Variants in SETBP1 observed in about 807,000 individuals in gnomAD.
SETBP1 encodes the protein SET binding protein 1, also known as SET-binding protein.
In SETBP1, 9 loss-of-function variants were observed where a neutral mutation model predicts 101.0. That is an observed-to-expected ratio of 0.09 (90% confidence interval 0.05 to 0.16). SETBP1 has a LOEUF of 0.16. Among genes scored for constraint, SETBP1 ranks in the 10% least tolerant of loss-of-function variants. SETBP1 has a pLI of 1.00. For missense variants in SETBP1, 1,858 were observed against 2,033.8 expected, an observed-to-expected ratio of 0.91 and a Z score of 1.66; for synonymous variants, 818 against 788.5, an observed-to-expected ratio of 1.04 and a Z score of -0.63.
intron 2 of SETBP1, among the ~76,000 whole-genome samples, chr18:44,809,177 C>A (rs1015521782): frequency 1.1e-4 from 16 of 152,088 alleles, no homozygotes; most frequent in Non-Finnish European, 2.2e-4. Context: ...TCTTTCAAAC[C>A]ACAGCTTGAT....
intron 2 of SETBP1, among the ~76,000 whole-genome samples, chr18:44,809,614 C>G (rs1225972290): frequency 6.6e-6 from 1 of 152,132 alleles, no homozygotes. Context: ...AGCAATTTGT[C>G]CCTAATGCAA....
At chr18:44,955,373 C>T (rs1202562983) in intron 4 of SETBP1, among the ~76,000 whole-genome samples, 10 of 152,110 alleles carry the variant, frequency 6.6e-5, no homozygotes, top group African/African-American at 1.9e-4. Context: ...GGATTCAACC[C>T]GAAGAACTGG....
At chr18:44,761,536 A>C (rs2070645666) in intron 2 of SETBP1, among the ~76,000 whole-genome samples, 1 of 152,340 alleles carries the variant, frequency 6.6e-6, no homozygotes, top group South Asian at 2.1e-4. Flanking sequence ...AGATCAGTCC[A>C]TGTTGATCCT....
chr18:44,864,123 T>C (rs983558687), intron 2 of SETBP1, among the ~76,000 whole-genome samples: 1 of 151,848 alleles, frequency 6.6e-6, no homozygotes, highest in African/African-American at 2.4e-5. Context: ...GGGAAAAAAA[T>C]GGAGTCACCT....
intron 3 of SETBP1, among the ~76,000 whole-genome samples, chr18:44,917,916 C>T (rs951397241): frequency 1.2e-4 from 18 of 152,166 alleles, no homozygotes; most frequent in Admixed American, 2.6e-4. Flanking sequence ...AAGCCCTGAG[C>T]ATGTCAGCCC....
intron 3 of SETBP1, among the ~76,000 whole-genome samples, chr18:44,948,904 A>G (rs544184915): frequency 6.6e-6 from 1 of 152,230 alleles, no homozygotes; most frequent in African/African-American, 2.4e-5. Context: ...GTCCTGAGAA[A>G]GATTCTGGAG....
intron 2 of SETBP1, among the ~76,000 whole-genome samples, chr18:44,860,554 CCT>C (rs1337977031): frequency 6.6e-6 from 1 of 152,080 alleles, no homozygotes; most frequent in Non-Finnish European, 1.5e-5. Flanking sequence ...TCAAGACCAG[CCT>C]GGCCAATGTG....
chr18:44,820,895 T>C (rs1005457565), intron 2 of SETBP1, among the ~76,000 whole-genome samples: 2 of 152,202 alleles, frequency 1.3e-5, no homozygotes, highest in African/African-American at 4.8e-5. Flanking sequence ...CACAATGACA[T>C]TGTGGTAAGT....
chr18:44,701,769 G>A lies in SETBP1; in HGVS notation c.423G>A (p.Val141=). ...TCAAGCAGTCTGGGGACCAGAAGGTGTCCCGTGCTGGAAAAAATAGCAAAG... is the reference window on the plus strand; with the variant it reads ...TCAAGCAGTCTGGGGACCAGAAGGTATCCCGTGCTGGAAAAAATAGCAAAG... ...ITIKQSGDQK[V]SRAGKNSKAT... The change falls in exon 2 of 6, where the codon GTG becomes GTA. Residue 141 remains valine (V), a synonymous_variant. Transcript: ENST00000649279. 1 of 1,614,124 alleles carries A rather than the reference G, an allele frequency of 6.2e-7. No individual in the cohort carries two copies. Among genetic ancestry groups the A allele is most frequent in the Non-Finnish European group, 8.5e-7 (1 of 1,179,992 alleles).
chr18:44,935,838 C>T (rs1327184835), intron 3 of SETBP1, among the ~76,000 whole-genome samples: 1 of 152,198 alleles, frequency 6.6e-6, no homozygotes, highest in African/African-American at 2.4e-5. Context: ...AATCCCTTGC[C>T]ATGCATGCCC....
chr18:44,874,797 C>T (rs765423040), intron 3 of SETBP1, among the ~76,000 whole-genome samples: 1 of 152,214 alleles, frequency 6.6e-6, no homozygotes, highest in Non-Finnish European at 1.5e-5. Flanking sequence ...ATCTGCAGAA[C>T]AATCCTGGGT....
chr18:44,763,981 C>A (rs1331248361), intron 2 of SETBP1, among the ~76,000 whole-genome samples: 1 of 152,216 alleles, frequency 6.6e-6, no homozygotes, highest in African/African-American at 2.4e-5. Flanking sequence ...AAATGTTTAT[C>A]TATACCCTGG....
intron 3 of SETBP1, among the ~76,000 whole-genome samples, chr18:44,904,068 C>G (rs1174520654): frequency 6.6e-6 from 1 of 152,124 alleles, no homozygotes; most frequent in African/African-American, 2.4e-5. Context: ...TACATATTTG[C>G]TCAATGAGTG....
intron 2 of SETBP1, among the ~76,000 whole-genome samples, chr18:44,765,227 A>G (rs142717103): frequency 5.6e-4 from 85 of 152,226 alleles, no homozygotes; most frequent in African/African-American, 2.0e-3. Flanking sequence ...GTGAAGATCA[A>G]TTGAGTAGGT....
intron 3 of SETBP1, among the ~76,000 whole-genome samples, chr18:44,931,982 A>C (rs1177973728): frequency 6.6e-6 from 1 of 152,178 alleles, no homozygotes; most frequent in Non-Finnish European, 1.5e-5. Flanking sequence ...TCCCGTCATT[A>C]TGATGTTAGC....
At chr18:44,873,986 A>C (rs2069339016) in intron 3 of SETBP1, among the ~76,000 whole-genome samples, 2 of 152,318 alleles carry the variant, frequency 1.3e-5, no homozygotes, top group Admixed American at 1.3e-4. Flanking sequence ...CCTGTTGGCA[A>C]AGTCTTTGAC....
intron 2 of SETBP1, among the ~76,000 whole-genome samples, chr18:44,790,592 A>G (rs1052957172): frequency 1.3e-5 from 2 of 152,232 alleles, no homozygotes; most frequent in African/African-American, 4.8e-5. Flanking sequence ...TTTTTCAAGT[A>G]TATTCCCAGG....
intron 4 of SETBP1, among the ~76,000 whole-genome samples, chr18:44,969,078 C>T (rs1274911248): frequency 1.3e-5 from 2 of 152,164 alleles, no homozygotes; most frequent in East Asian, 3.8e-4. Flanking sequence ...ATACCAACCA[C>T]CAAAATTCTA....
chr18:45,063,581 G>A lies in SETBP1; in HGVS notation c.4674G>A (p.Gln1558=). Reference sequence around the variant, plus strand: ...GCGGAAAGAGGAAACACAAACCGCAGGCCCCCGCTCAGCCCCCACAGCAGT... The same window carrying A: ...GCGGAAAGAGGAAACACAAACCGCAAGCCCCCGCTCAGCCCCCACAGCAGT... ...PRGGKRKHKP[Q]APAQPPQQSP... The change falls in exon 6 of 6, where the codon CAG becomes CAA. Residue 1558 remains glutamine, a synonymous_variant. Coordinates refer to ENST00000649279, the MANE Select transcript of SETBP1 (RefSeq NM_015559.3). The A allele has an allele frequency of 6.6e-7, 1 of 1,522,350 alleles. No individual in the cohort carries two copies. The highest frequency in any genetic ancestry group is 8.8e-7 in the Non-Finnish European group (1 of 1,130,450). 94.3% of individuals were successfully genotyped at this position (1,522,350 alleles called of 1,614,324 possible).
Sources: allele counts gnomAD v4.1 joint callset (sites outside exome capture counted in the v4.1 genomes callset), GRCh38; gene constraint gnomAD v4.1.1; transcripts MANE v1.5; gene names NCBI Gene and HGNC (gene_info 2026-07-23, HGNC 2026-07-21).